The following BMERB1 variants were observed in gnomAD, a reference collection of about 807,000 sequenced individuals.
The protein encoded by BMERB1 is bMERB domain containing 1, also known as bMERB domain-containing protein 1.
Under a neutral mutation model 23.6 loss-of-function variants are expected in BMERB1, and 12 were observed. The ratio of observed to expected loss-of-function variants is 0.51; its 90% CI spans 0.33 to 0.82. The LOEUF is 0.82. BMERB1 is among the 40% of genes least tolerant of loss of function. BMERB1 has a pLI of 0.03. For synonymous variants in BMERB1, 122 were observed against 96.6 expected (o/e 1.26, Z -1.54); for missense variants, 247 against 255.4 (o/e 0.97, Z 0.22).
At chr16:15,542,833 G>C (rs1468852260) in intron 2 of BMERB1, among the ~76,000 whole-genome samples, 1 of 152,132 alleles carries the variant, frequency 6.6e-6, no homozygotes. Context: ...CCTTGCAGGA[G>C]GGGGAGCATG....
rs772347409 is a variant in BMERB1 at position 15,587,875 on chromosome 16, C to T, written c.*1046C>T. The T allele has an allele frequency of 7.1e-5, 12 of 168,372 alleles. No individual in the cohort carries two copies. Among genetic ancestry groups the T allele is most frequent in the Non-Finnish European group, 1.2e-4 (9 of 76,074 alleles). 10.4% of individuals were successfully genotyped at this position (168,372 alleles called of 1,614,324 possible). A position where few individuals can be genotyped will look rare whatever the true frequency, so the allele number is the denominator to read the frequency against. ...GACTTCTCTGTATGTGTGTGTGTGT[C>T]GTGACCAGCCTAAGTAGTTAGCATA... On this transcript the variant is annotated 3_prime_UTR_variant, in exon 6 of 6. Transcript: ENST00000300006.
chr16:15,501,899 G>A (rs1266993308), intron 1 of BMERB1, among the ~76,000 whole-genome samples: 4 of 152,234 alleles, frequency 2.6e-5, no homozygotes, highest in Non-Finnish European at 5.9e-5. Flanking sequence ...TGGGATTACA[G>A]GCATGTGCCT....
At chr16:15,556,546 G>A (rs561059387) in intron 2 of BMERB1, among the ~76,000 whole-genome samples, 8 of 152,258 alleles carry the variant, frequency 5.3e-5, no homozygotes, top group Non-Finnish European at 1.0e-4. Context: ...AATGGGGCTC[G>A]AGGGCTCATC....
At chr16:15,454,969 C>T (rs1001350068) in intron 1 of BMERB1, among the ~76,000 whole-genome samples, 6 of 152,070 alleles carry the variant, frequency 3.9e-5, no homozygotes, top group Non-Finnish European at 7.4e-5. Context: ...AGAAATCACA[C>T]TCTGTGGTCT....
intron 1 of BMERB1, among the ~76,000 whole-genome samples, chr16:15,508,469 A>C (rs919161073): frequency 3.3e-5 from 5 of 152,114 alleles, no homozygotes; most frequent in Non-Finnish European, 5.9e-5. Context: ...TCTACTTACA[A>C]CATCAAGCAT....
At chr16:15,443,137 A>G (rs148775811) in intron 1 of BMERB1, among the ~76,000 whole-genome samples, 1 of 151,964 alleles carries the variant, frequency 6.6e-6, no homozygotes, top group Non-Finnish European at 1.5e-5. Flanking sequence ...AATCCCAGCT[A>G]CTCTGGAGGC....
At chr16:15,506,207 G>A (rs1457078976) in intron 1 of BMERB1, among the ~76,000 whole-genome samples, 1 of 150,796 alleles carries the variant, frequency 6.6e-6, no homozygotes, top group Non-Finnish European at 1.5e-5. Flanking sequence ...ACGGAGTCTT[G>A]CTCTGTCACC....
chr16:15,435,207 C>T (rs1184540605), intron 1 of BMERB1, among the ~76,000 whole-genome samples: 1 of 152,180 alleles, frequency 6.6e-6, no homozygotes, highest in African/African-American at 2.4e-5. Context: ...GCTTTCCTAC[C>T]CCCTGCGTGA....
At chr16:15,556,102 C>T (rs1403947792) in intron 2 of BMERB1, among the ~76,000 whole-genome samples, 1 of 151,782 alleles carries the variant, frequency 6.6e-6, no homozygotes, top group African/African-American at 2.4e-5. Context: ...TCGCCTGAAC[C>T]TGGGAGGTGA....
At chr16:15,480,022 T>A (rs1598462284) in intron 1 of BMERB1, among the ~76,000 whole-genome samples, 2 of 147,104 alleles carry the variant, frequency 1.4e-5, no homozygotes, top group South Asian at 2.1e-4. Flanking sequence ...AATATATATA[T>A]AATATATATT....
chr16:15,583,577 C>CA (rs35021259), intron 5 of BMERB1, among the ~76,000 whole-genome samples: 20,569 of 60,998 alleles, frequency 0.34, 2,845 homozygotes, highest in African/African-American at 0.47. Context: ...GACTTTGTCT[C>CA]AAAAAAAAAA....
intron 1 of BMERB1, among the ~76,000 whole-genome samples, chr16:15,474,431 C>G (rs931548488): frequency 4.6e-5 from 7 of 152,166 alleles, no homozygotes; most frequent in African/African-American, 1.4e-4. Flanking sequence ...GTGGCACAAT[C>G]ATAGCCCACT....
At chr16:15,450,812 C>T (rs914990637) in intron 1 of BMERB1, among the ~76,000 whole-genome samples, 2 of 152,158 alleles carry the variant, frequency 1.3e-5, no homozygotes, top group Non-Finnish European at 2.9e-5. Context: ...AAAGTTCTGG[C>T]TGCTTGGCTT....
intron 2 of BMERB1, among the ~76,000 whole-genome samples, chr16:15,551,147 C>T (rs2030080300): frequency 6.6e-6 from 1 of 152,206 alleles, no homozygotes; most frequent in Non-Finnish European, 1.5e-5. Context: ...CCAGGGCTGA[C>T]TCACCGCCTT....
chr16:15,585,944 G>A (rs2031128717), intron 5 of BMERB1, among the ~76,000 whole-genome samples: 1 of 151,882 alleles, frequency 6.6e-6, no homozygotes, highest in South Asian at 2.1e-4. Flanking sequence ...TATTTAAAAA[G>A]GAAAATAAAC....
At position 15,458,963 on chromosome 16, in the gene BMERB1, C is replaced by T. The variant is rs1434203146; in HGVS notation, c.106+24204C>T. ...CTACTAAAAATACAAAAAAATTATC[C>T]GGGCGTGGTGGCGGGCGCCCATAAT... On this transcript the variant is annotated intron_variant, in intron 1 of 5. Coordinates refer to ENST00000300006, the MANE Select transcript of BMERB1 (RefSeq NM_033201.3). 3.9e-5 allele frequency among the ~76,000 whole-genome samples: 6 copies of T among 152,020 alleles called. No individual in the cohort carries two copies. The East Asian group carries it at 7.8e-4, about 20-fold the overall frequency.
chr16:15,513,941 AT>A (rs556435361), intron 1 of BMERB1, among the ~76,000 whole-genome samples: 460 of 152,260 alleles, frequency 3.0e-3, no homozygotes, highest in Non-Finnish European at 5.1e-3. Context: ...TATTATATAT[AT>A]AAAAAACCAC....
intron 3 of BMERB1, among the ~76,000 whole-genome samples, chr16:15,573,343 G>A (rs956382331): frequency 5.9e-5 from 9 of 152,180 alleles, no homozygotes; most frequent in South Asian, 2.1e-4. Flanking sequence ...ATGCATAGCC[G>A]GCTGAGGGAG....
At chr16:15,488,322 C>T (rs1391577290) in intron 1 of BMERB1, among the ~76,000 whole-genome samples, 1 of 152,266 alleles carries the variant, frequency 6.6e-6, no homozygotes, top group African/African-American at 2.4e-5. Flanking sequence ...AATGTAAAAG[C>T]CATTCTTGTC....
Sources: allele counts gnomAD v4.1 joint callset (sites outside exome capture counted in the v4.1 genomes callset), GRCh38; gene constraint gnomAD v4.1.1; transcripts MANE v1.5; gene names NCBI Gene and HGNC (gene_info 2026-07-23, HGNC 2026-07-21).